Variants in PEAK1 observed in about 807,000 individuals in gnomAD.
PEAK1 encodes inactive tyrosine-protein kinase PEAK1.
Under a neutral mutation model 124.7 loss-of-function variants are expected in PEAK1, and 54 were observed. That is an observed-to-expected ratio of 0.43 (90% CI 0.35 to 0.54). The LOEUF is 0.54. Ranked by LOEUF, PEAK1 falls within the 20% of genes least tolerant of loss-of-function variation. The probability of loss-of-function intolerance (pLI) is 0.01; values close to 1 mark genes in which losing one functional copy is unlikely to be tolerated. For synonymous variants in PEAK1, 719 were observed against 760.0 expected (o/e 0.95, Z 0.89); for missense variants, 2,046 against 2,134.5 (o/e 0.96, Z 0.82).
chr15:77,393,655 G>A (rs2070664426), intron 1 of PEAK1, among the ~76,000 whole-genome samples: 1 of 152,154 alleles, frequency 6.6e-6, no homozygotes, highest in South Asian at 2.1e-4. Flanking sequence ...AAGGGCCTTG[G>A]GTGAGACTTG....
At chr15:77,310,825 A>G (rs12912482) in intron 2 of PEAK1, among the ~76,000 whole-genome samples, 11,711 of 152,286 alleles carry the variant, frequency 0.077, 557 homozygotes, top group Non-Finnish European at 0.1. Context: ...TAAATGTTTC[A>G]GACAGGGGAA....
chr15:77,202,752 G>C (rs1354762872), intron 6 of PEAK1, among the ~76,000 whole-genome samples: 1 of 151,302 alleles, frequency 6.6e-6, no homozygotes, highest in Admixed American at 6.6e-5. Flanking sequence ...CTAGGTGACA[G>C]AGTGAGACTC....
At chr15:77,333,487 TC>T in intron 2 of PEAK1, 1 of 891,158 alleles carries the variant, frequency 1.1e-6, no homozygotes, top group Non-Finnish European at 1.3e-6. Flanking sequence ...ATAAATATTT[TC>T]TTAAACATTA....
intron 6 of PEAK1, among the ~76,000 whole-genome samples, chr15:77,233,182 C>T (rs2059980187): frequency 6.6e-6 from 1 of 152,188 alleles, no homozygotes. Flanking sequence ...AGTACCACTG[C>T]ATTTCTCCAT....
chr15:77,214,245 C>T (rs1276356647), intron 6 of PEAK1, among the ~76,000 whole-genome samples: 1 of 151,984 alleles, frequency 6.6e-6, no homozygotes, highest in Non-Finnish European at 1.5e-5. Context: ...GTTTTCATTT[C>T]AGTTGGGTAA....
At chr15:77,244,518 C>T (rs530488351) in intron 6 of PEAK1, among the ~76,000 whole-genome samples, 1 of 152,044 alleles carries the variant, frequency 6.6e-6, no homozygotes, top group South Asian at 2.1e-4. Context: ...TCTGGGCTCT[C>T]CTGGTCCAAC....
At chr15:77,409,084 C>A (rs1029122797) in intron 1 of PEAK1, among the ~76,000 whole-genome samples, 3 of 151,982 alleles carry the variant, frequency 2.0e-5, no homozygotes, top group Non-Finnish European at 4.4e-5. Flanking sequence ...AACAAACAAA[C>A]ACAAAAATAT....
chr15:77,396,209 G>T (rs1371367920), intron 1 of PEAK1, among the ~76,000 whole-genome samples: 2 of 151,922 alleles, frequency 1.3e-5, no homozygotes, highest in Non-Finnish European at 2.9e-5. Flanking sequence ...TAGATAGCTA[G>T]ATAGATATTA....
chr15:77,368,430 A>G, intron 1 of PEAK1, among the ~76,000 whole-genome samples: 1 of 151,942 alleles, frequency 6.6e-6, no homozygotes, highest in Non-Finnish European at 1.5e-5. Context: ...AGGCGGGGGA[A>G]TTGCTTGAAC....
chr15:77,213,672 G>A (rs1033268425), intron 6 of PEAK1, among the ~76,000 whole-genome samples: 1 of 152,114 alleles, frequency 6.6e-6, no homozygotes, highest in South Asian at 2.1e-4. Context: ...CTGGGTGACA[G>A]AGTGAGACTC....
chr15:77,350,431 G>A, intron 2 of PEAK1: 1 of 985,334 alleles, frequency 1.0e-6, no homozygotes, highest in Non-Finnish European at 1.2e-6. Flanking sequence ...CCTGAATGTA[G>A]CAAGCTTTCC....
At chr15:77,402,421 T>C in intron 1 of PEAK1, 1 of 985,410 alleles carries the variant, frequency 1.0e-6, no homozygotes, top group Non-Finnish European at 1.2e-6. Context: ...CCCATTTATT[T>C]AGCCAAATGG....
At chr15:77,350,185 T>C in intron 2 of PEAK1, 2 of 985,436 alleles carry the variant, frequency 2.0e-6, no homozygotes, top group Non-Finnish European at 2.4e-6. Flanking sequence ...AACTACTAAC[T>C]GGCAACACTG....
intron 5 of PEAK1, among the ~76,000 whole-genome samples, chr15:77,263,640 G>C (rs1034346391): frequency 6.6e-6 from 1 of 152,092 alleles, no homozygotes; most frequent in African/African-American, 2.4e-5. Flanking sequence ...AAAAGGCCAG[G>C]ACCAGATGGA....
intron 8 of PEAK1, among the ~76,000 whole-genome samples, chr15:77,145,888 A>G (rs2054142376): frequency 6.6e-6 from 1 of 152,170 alleles, no homozygotes; most frequent in East Asian, 1.9e-4. Flanking sequence ...TATTCCCAGC[A>G]CTTAGCCTGG....
intron 2 of PEAK1, chr15:77,350,104 A>T: frequency 1.0e-6 from 1 of 985,294 alleles, no homozygotes; most frequent in Admixed American, 6.2e-5. Flanking sequence ...CATACCCCCA[A>T]ATAGGTCTCT....
At chr15:77,328,735 G>C (rs927689411) in intron 2 of PEAK1, among the ~76,000 whole-genome samples, 1 of 152,086 alleles carries the variant, frequency 6.6e-6, no homozygotes, top group Non-Finnish European at 1.5e-5. Flanking sequence ...ACAATTCACA[G>C]AAAAGTGATG....
At chr15:77,115,473 T>C (rs1439945386) in intron 9 of PEAK1, 154 bp from the exon 10 acceptor site, 1 of 232,974 alleles carries the variant, frequency 4.3e-6, no homozygotes, top group Non-Finnish European at 7.0e-6. Flanking sequence ...GCAATAATAA[T>C]GGTGGTAACC....
At chr15:77,236,635 T>C (rs150356750) in intron 6 of PEAK1, among the ~76,000 whole-genome samples, 17 of 152,224 alleles carry the variant, frequency 1.1e-4, no homozygotes, top group African/African-American at 4.1e-4. Context: ...TGGGGGACTG[T>C]TGGAAGGGTA....
Sources: allele counts gnomAD v4.1 joint callset (sites outside exome capture counted in the v4.1 genomes callset), GRCh38; gene constraint gnomAD v4.1.1; transcripts MANE v1.5; gene names NCBI Gene and HGNC (gene_info 2026-07-23, HGNC 2026-07-21).